The following ENOX1 variants were observed in gnomAD, a reference collection of about 807,000 sequenced individuals.
ENOX1 encodes the protein candidate growth-related and time keeping constitutive hydroquinone (NADH) oxidase.
Under a neutral mutation model 82.5 loss-of-function variants are expected in ENOX1, and 42 were observed. That is an observed-to-expected ratio of 0.51 (90% confidence interval 0.40 to 0.66). The LOEUF is 0.66. ENOX1 is among the 30% of genes least tolerant of loss of function. The pLI is 0.00. For synonymous variants in ENOX1, 271 were observed against 282.2 expected (o/e 0.96, Z 0.40); for missense variants, 608 against 811.6 (o/e 0.75, Z 3.05).
chr13:43,780,101 C>T (rs1454345398), intron 1 of ENOX1, among the ~76,000 whole-genome samples: 1 of 150,518 alleles, frequency 6.6e-6, no homozygotes, highest in African/African-American at 2.5e-5. Context: ...GCAGAGCTTG[C>T]AGTGAGCCGA....
chr13:43,645,725 GA>G (rs1331765324), intron 2 of ENOX1, among the ~76,000 whole-genome samples: 1 of 43,136 alleles, frequency 2.3e-5, no homozygotes, highest in East Asian at 6.9e-4. Context: ...TAAGTGAAAA[GA>G]ATTAGAAAAT....
At chr13:43,301,574 T>TC (rs11423671) in intron 11 of ENOX1, among the ~76,000 whole-genome samples, 138,639 of 145,440 alleles carry the variant, frequency 0.95, 66,453 homozygotes, top group East Asian at 1. Context: ...CAGCTGTAAT[T>TC]CCCCCACCAA....
intron 1 of ENOX1, among the ~76,000 whole-genome samples, chr13:43,693,617 C>T (rs2086483436): frequency 6.6e-6 from 1 of 152,160 alleles, no homozygotes. Flanking sequence ...AAAGGTGAAG[C>T]TAATTTCCTT....
intron 11 of ENOX1, among the ~76,000 whole-genome samples, chr13:43,306,521 CT>C (rs1341370711): frequency 6.6e-6 from 1 of 152,184 alleles, no homozygotes; most frequent in Non-Finnish European, 1.5e-5. Flanking sequence ...ATTGTACCCC[CT>C]CCCCTGCAGA....
chr13:43,702,713 G>T (rs1245847825), intron 1 of ENOX1, among the ~76,000 whole-genome samples: 1 of 152,076 alleles, frequency 6.6e-6, no homozygotes, highest in Non-Finnish European at 1.5e-5. Context: ...CATTTTGGGA[G>T]GCCGAGGTGG....
At chr13:43,488,713 C>T (rs982058148) in intron 2 of ENOX1, among the ~76,000 whole-genome samples, 18 of 152,146 alleles carry the variant, frequency 1.2e-4, no homozygotes, top group African/African-American at 4.3e-4. Context: ...AGCCTGACTT[C>T]CTTATGGATT....
chr13:43,515,347 A>C (rs2077520744), intron 2 of ENOX1, among the ~76,000 whole-genome samples: 1 of 152,160 alleles, frequency 6.6e-6, no homozygotes. Flanking sequence ...TGAGGTCCCT[A>C]GGTAATTTTC....
At chr13:43,574,890 T>C (rs146224329) in intron 2 of ENOX1, among the ~76,000 whole-genome samples, 1 of 152,172 alleles carries the variant, frequency 6.6e-6, no homozygotes, top group African/African-American at 2.4e-5. Context: ...ATGACTGGCA[T>C]CCATGTGGAG....
rs75676581 is a variant in ENOX1 at position 43,616,893 on chromosome 13, T to G, written c.-219+50586A>C. The stretch of plus-strand genomic sequence containing the variant: ...GGTTTGAAACTCATATCTACTTACA[T>G]TTTTTAAAGAATGCAAAAGGTAAAA... On this transcript the variant is annotated intron_variant, in intron 2 of 16. Coordinates refer to ENST00000690772, the MANE Select transcript of ENOX1 (RefSeq NM_001347969.2). 1.7e-3 allele frequency among the ~76,000 whole-genome samples: 260 copies of G among 150,834 alleles called. 7 individuals are homozygous for G. In the East Asian group the frequency reaches 0.043, roughly 25 times the overall value.
intron 3 of ENOX1, among the ~76,000 whole-genome samples, chr13:43,459,644 T>C (rs2057376483): frequency 6.6e-6 from 1 of 152,162 alleles, no homozygotes; most frequent in South Asian, 2.1e-4. Context: ...ATATGTTAGT[T>C]CTGTCAGTAA....
intron 8 of ENOX1, among the ~76,000 whole-genome samples, 163 bp downstream of exon 8, chr13:43,355,756 C>G (rs767790313): frequency 2.6e-5 from 4 of 152,188 alleles, no homozygotes; most frequent in Non-Finnish European, 4.4e-5. Flanking sequence ...TAACCCCACC[C>G]CAGCTCTGTA....
intron 2 of ENOX1, among the ~76,000 whole-genome samples, chr13:43,486,202 T>A (rs1235050874): frequency 6.6e-6 from 1 of 151,968 alleles, no homozygotes; most frequent in African/African-American, 2.4e-5. Flanking sequence ...AGAGCGAGAC[T>A]TCGTCTCAAA....
At chr13:43,448,860 G>A (rs1225285255) in intron 3 of ENOX1, among the ~76,000 whole-genome samples, 1 of 152,214 alleles carries the variant, frequency 6.6e-6, no homozygotes, top group Non-Finnish European at 1.5e-5. Context: ...GGACGCAACT[G>A]AGTTTAAAAC....
chr13:43,677,308 G>A (rs1485573725), intron 1 of ENOX1, among the ~76,000 whole-genome samples: 10 of 152,284 alleles, frequency 6.6e-5, no homozygotes, highest in African/African-American at 2.4e-4. Context: ...GAGGCAGGGA[G>A]AGCAAAGAGC....
At chr13:43,689,793 T>C (rs2086260446) in intron 1 of ENOX1, among the ~76,000 whole-genome samples, 1 of 152,198 alleles carries the variant, frequency 6.6e-6, no homozygotes, top group African/African-American at 2.4e-5. Context: ...AAAGGATTCA[T>C]TATCAAATGC....
intron 1 of ENOX1, among the ~76,000 whole-genome samples, chr13:43,761,461 T>G (rs901510284): frequency 3.9e-5 from 6 of 152,190 alleles, no homozygotes; most frequent in African/African-American, 1.4e-4. Context: ...AAAAACACAC[T>G]GTTCTGTGAG....
chr13:43,253,320 T>C (rs772206711), intron 14 of ENOX1, among the ~76,000 whole-genome samples: 12 of 152,334 alleles, frequency 7.9e-5, no homozygotes, highest in Non-Finnish European at 1.3e-4. Flanking sequence ...GTACCTACTT[T>C]TTTCCTTGTC....
intron 3 of ENOX1, among the ~76,000 whole-genome samples, chr13:43,444,470 G>A (rs2056520066): frequency 6.6e-6 from 1 of 152,144 alleles, no homozygotes; most frequent in East Asian, 1.9e-4. Flanking sequence ...AAAGTTCTGG[G>A]ACATCCCTTG....
At chr13:43,418,146 T>A (rs112986711) in intron 3 of ENOX1, among the ~76,000 whole-genome samples, 3,285 of 150,132 alleles carry the variant, frequency 0.022, 113 homozygotes, top group African/African-American at 0.075. Flanking sequence ...GAGGCAGAGG[T>A]TGTAGAGCCG....
Sources: gnomAD v4.1 joint callset for allele counts (sites outside exome capture counted in the v4.1 genomes callset) on GRCh38, gnomAD v4.1.1 for gene constraint, MANE v1.5 for transcripts, NCBI Gene and HGNC (gene_info 2026-07-23, HGNC 2026-07-21) for gene names.